The following ALPL variants were observed in gnomAD, a reference collection of about 807,000 sequenced individuals.
ALPL encodes alkaline phosphatase, biomineralization associated.
In ALPL, 42 loss-of-function variants were observed where a neutral mutation model predicts 51.3. The ratio of observed to expected loss-of-function variants is 0.82; its 90% confidence interval spans 0.64 to 1.06. ALPL has a LOEUF of 1.06. ALPL is among the 50% of genes least tolerant of loss of function. ALPL has a pLI of 0.00. For missense variants in ALPL, 589 were observed against 709.4 expected (o/e 0.83, Z 1.93); for synonymous variants, 279 against 296.4 (o/e 0.94, Z 0.60).
At chr1:21,520,466 C>CTTTT (rs35922763) in intron 1 of ALPL, among the ~76,000 whole-genome samples, 24 of 111,452 alleles carry the variant, frequency 2.2e-4, no homozygotes, top group African/African-American at 2.5e-4. Flanking sequence ...TCTTTTTTCT[C>CTTTT]TTTTTTTTTT....
rs1057524727 is a variant in ALPL at position 21,575,739 on chromosome 1, G to C, written c.1004G>C (p.Arg335Thr). 1 of 1,614,178 alleles carries C rather than the reference G, an allele frequency of 6.2e-7. No homozygotes were observed. Among genetic ancestry groups the C allele is most frequent in the Non-Finnish European group, 8.5e-7 (1 of 1,180,038 alleles). ...KGFFLLVEGG[R>T]IDHGHHEGKA... ...TTTGCCTTGGTGTCCCAAGGAGGCA[G>C]AATTGACCACGGGCACCATGAAGGA... The change falls in exon 10 of 12, where the codon AGA becomes ACA. Residue 335 changes from arginine to threonine, a missense_variant. By Grantham distance (71) the Arg-to-Thr change is moderately conservative. Transcript: ENST00000374840.
At chr1:21,559,275 GC>G (rs1644453632) in intron 2 of ALPL, among the ~76,000 whole-genome samples, 1 of 152,210 alleles carries the variant, frequency 6.6e-6, no homozygotes, top group East Asian at 1.9e-4. Flanking sequence ...ACAGAGGGGA[GC>G]CCCGCAGACT....
rs147112361 is a variant in ALPL, at chr1:21,547,088, G to C, written c.-104-6890G>C. Among the ~76,000 whole-genome samples, 15 of 152,344 alleles carry C rather than the reference G, an allele frequency of 9.8e-5. No homozygotes were observed. The East Asian group carries it at 2.9e-3, about 29-fold the overall frequency. ...TCCAAGCTGACAGAAACTCTGTCCCGTTCCCGACTGTTTCCATAGAACCTA... is the reference window on the plus strand; with the variant it reads ...TCCAAGCTGACAGAAACTCTGTCCCCTTCCCGACTGTTTCCATAGAACCTA... On this transcript the variant is annotated intron_variant, in intron 1 of 11. Coordinates refer to ENST00000374840, the MANE Select transcript of ALPL (RefSeq NM_000478.6).
intron 1 of ALPL, among the ~76,000 whole-genome samples, chr1:21,521,466 C>T (rs1220843341): frequency 6.6e-6 from 1 of 152,150 alleles, no homozygotes; most frequent in African/African-American, 2.4e-5. Context: ...ATTACAACAG[C>T]CCATTTAATG....
intron 9 of ALPL, among the ~76,000 whole-genome samples, chr1:21,575,508 C>A (rs1461740990): frequency 6.6e-6 from 1 of 152,192 alleles, no homozygotes. Flanking sequence ...CTTTGCAGCC[C>A]CCATGCATGT....
intron 1 of ALPL, among the ~76,000 whole-genome samples, chr1:21,552,437 C>T (rs530653370): frequency 8.1e-4 from 121 of 149,318 alleles, no homozygotes; most frequent in African/African-American, 2.9e-3. Context: ...CGAGGTTGTG[C>T]CATTGCACTC....
At chr1:21,547,244 C>T (rs1644264398) in intron 1 of ALPL, among the ~76,000 whole-genome samples, 2 of 152,224 alleles carry the variant, frequency 1.3e-5, no homozygotes, top group Admixed American at 1.3e-4. Context: ...GCCTGCTCCC[C>T]CTCCCACCCC....
chr1:21,547,782 A>G lies in ALPL; in HGVS notation c.-104-6196A>G, dbSNP rs1644272122. On this transcript the variant is annotated intron_variant, in intron 1 of 11. Coordinates refer to ENST00000374840, the MANE Select transcript of ALPL (RefSeq NM_000478.6). ...ACGGGGGCTCTTCATCCATATTGTG[A>G]GATCAGGGATGTAAACAGCATGGGG... Among the ~76,000 whole-genome samples the G allele has an allele frequency of 3.9e-5, 6 of 152,190 alleles. 1 individual carries two copies. The highest frequency in any genetic ancestry group is 2.0e-4 in the Admixed American group (3 of 15,276).
intron 8 of ALPL, among the ~76,000 whole-genome samples, chr1:21,573,379 G>C (rs1644676712): frequency 6.6e-6 from 1 of 151,618 alleles, no homozygotes; most frequent in Non-Finnish European, 1.5e-5. Flanking sequence ...AGAGGTTGCA[G>C]GGAGCCGAGA....
intron 7 of ALPL, 86 bp from the exon 8 acceptor site, chr1:21,570,219 A>C: frequency 7.4e-7 from 1 of 1,344,756 alleles, no homozygotes; most frequent in Admixed American, 1.9e-5. Context: ...AAACAAGTAA[A>C]GGCCTCAGAC....
intron 1 of ALPL, among the ~76,000 whole-genome samples, chr1:21,543,425 T>C (rs12128151): frequency 0.57 from 86,271 of 151,654 alleles, 24,960 homozygotes; most frequent in East Asian, 0.83. Flanking sequence ...GTTTAACTAC[T>C]TCTCAGGTCA....
chr1:21,526,389 C>T (rs1315184965), intron 1 of ALPL, among the ~76,000 whole-genome samples: 3 of 152,312 alleles, frequency 2.0e-5, no homozygotes, highest in East Asian at 1.9e-4. Context: ...ATCTGCCTGC[C>T]TCGGCCTCCC....
rs909336946 is a variant in ALPL at position 21,564,749 on chromosome 1, C to G, written c.648+533C>G. On this transcript the variant is annotated intron_variant, in intron 6 of 11. Transcript: ENST00000374840. This position sits in a 1 kb window ranked among gnomAD's most constrained non-coding sequence, Gnocchi z 5.8. ...TAACCTCTCTGAGGCTTCCCTTTCACAACTCCTTTGTGAACTGTACCTGCC... is the reference window on the plus strand; with the variant it reads ...TAACCTCTCTGAGGCTTCCCTTTCAGAACTCCTTTGTGAACTGTACCTGCC... Among the ~76,000 whole-genome samples, 1 of 152,196 alleles carries G rather than the reference C, an allele frequency of 6.6e-6. No homozygotes were observed. The highest frequency in any genetic ancestry group is 6.5e-5 in the Admixed American group (1 of 15,280).
intron 1 of ALPL, among the ~76,000 whole-genome samples, chr1:21,545,281 GTT>G (rs1644239316): frequency 1.3e-5 from 2 of 151,412 alleles, no homozygotes; most frequent in African/African-American, 4.9e-5. Context: ...GGGTTTTTTT[GTT>G]TTTGTTTTTG....
intron 1 of ALPL, among the ~76,000 whole-genome samples, chr1:21,534,926 C>T (rs1644077776): frequency 6.6e-6 from 1 of 152,154 alleles, no homozygotes; most frequent in African/African-American, 2.4e-5. Flanking sequence ...AACTGCAAAC[C>T]TCCCTGTCCT....
At chr1:21,537,679 G>T (rs1244615178) in intron 1 of ALPL, among the ~76,000 whole-genome samples, 2 of 152,214 alleles carry the variant, frequency 1.3e-5, no homozygotes, top group Non-Finnish European at 2.9e-5. Flanking sequence ...GGTGACCGAG[G>T]TTGTCCTGGC....
Position 21,510,673 on chromosome 1 carries a change from A to C in ALPL, c.-105+1156A>C, listed in dbSNP as rs1643668688. 1.3e-5 allele frequency among the ~76,000 whole-genome samples: 2 copies of C among 152,146 alleles called. 1 individual carries two copies. Among genetic ancestry groups the C allele is most frequent in the South Asian group, 4.1e-4 (2 of 4,830 alleles). On this transcript the variant is annotated intron_variant, in intron 1 of 11. Coordinates refer to ENST00000374840, the MANE Select transcript of ALPL (RefSeq NM_000478.6). ...TCTGCAGCCCTAGCGTCCTGCTCCC[A>C]CTGTGTTGCCTAAGAGATAGGGGGC...
intron 9 of ALPL, 40 bp downstream of exon 9, chr1:21,573,839 C>A (rs756744569): frequency 3.7e-6 from 6 of 1,613,616 alleles, no homozygotes; most frequent in African/African-American, 1.3e-5. Flanking sequence ...CTGCTGGAAA[C>A]ACGGCCCTGG....
intron 1 of ALPL, among the ~76,000 whole-genome samples, chr1:21,549,211 C>A (rs1644289314): frequency 8.2e-6 from 1 of 121,766 alleles, no homozygotes; most frequent in Non-Finnish European, 1.9e-5. Context: ...TTTTCTGTGA[C>A]CCCATTCCCT....
Sources: gnomAD v4.1 joint callset for allele counts (sites outside exome capture counted in the v4.1 genomes callset) on GRCh38, gnomAD v4.1.1 for gene constraint, Gnocchi (gnomAD v3.1) non-coding constraint, MANE v1.5 for transcripts, NCBI Gene and HGNC (gene_info 2026-07-23, HGNC 2026-07-21) for gene names.